The following PDGFC variants were observed in gnomAD, a reference collection of about 807,000 sequenced individuals.
PDGFC encodes the protein platelet-derived growth factor C.
In PDGFC, 12 loss-of-function variants were observed where a neutral mutation model predicts 35.5. The observed-to-expected ratio is 0.34, with a 90% CI of 0.22 to 0.55. PDGFC has a LOEUF of 0.55. Ranked by LOEUF, PDGFC falls within the 20% of genes least tolerant of loss-of-function variation. PDGFC has a pLI of 0.91. For synonymous variants in PDGFC, 159 were observed against 148.8 expected (o/e 1.07, Z -0.50); for missense variants, 322 against 412.4 (o/e 0.78, Z 1.90).
At chr4:156,826,495 C>T (rs1207719920) in intron 2 of PDGFC, among the ~76,000 whole-genome samples, 1 of 151,900 alleles carries the variant, frequency 6.6e-6, no homozygotes, top group African/African-American at 2.4e-5. Flanking sequence ...AGCCACCATG[C>T]CATTGTAATT....
chr4:156,836,897 A>C (rs1729076587), intron 2 of PDGFC, among the ~76,000 whole-genome samples: 1 of 152,316 alleles, frequency 6.6e-6, no homozygotes, highest in Non-Finnish European at 1.5e-5. Context: ...GTTAGGAATA[A>C]ATTTTAAGTC....
intron 2 of PDGFC, among the ~76,000 whole-genome samples, chr4:156,814,893 T>C (rs1273339105): frequency 2.6e-5 from 4 of 152,162 alleles, no homozygotes; most frequent in African/African-American, 4.8e-5. Context: ...AGGAGAAGGG[T>C]GATGAGCATA....
At chr4:156,802,984 G>A (rs939172291) in intron 3 of PDGFC, among the ~76,000 whole-genome samples, 16 of 152,120 alleles carry the variant, frequency 1.1e-4, no homozygotes, top group Admixed American at 6.6e-5. Context: ...GAAGTAAATT[G>A]AGACACAGGA....
chr4:156,970,388 T>C (rs1240619224), intron 1 of PDGFC, among the ~76,000 whole-genome samples: 1 of 152,238 alleles, frequency 6.6e-6, no homozygotes, highest in Non-Finnish European at 1.5e-5. Flanking sequence ...ATATATTTCC[T>C]GACCGACCCC....
At chr4:156,816,441 TTATC>T (rs1334381941) in intron 2 of PDGFC, among the ~76,000 whole-genome samples, 1 of 152,092 alleles carries the variant, frequency 6.6e-6, no homozygotes. Flanking sequence ...AGCAAATTGT[TTATC>T]TATGCTTTAA....
chr4:156,773,499 C>T (rs4691377), intron 3 of PDGFC, among the ~76,000 whole-genome samples: 22,364 of 152,022 alleles, frequency 0.15, 1,674 homozygotes, highest in South Asian at 0.23. Context: ...GGAGAACACA[C>T]TGACAAACTA....
At chr4:156,865,225 CACAT>C (rs1162358431) in intron 1 of PDGFC, among the ~76,000 whole-genome samples, 1 of 150,966 alleles carries the variant, frequency 6.6e-6, no homozygotes, top group African/African-American at 2.5e-5. Context: ...CAGATACAAA[CACAT>C]ACACAAAGTG....
At chr4:156,907,725 T>TG (rs1426587725) in intron 1 of PDGFC, among the ~76,000 whole-genome samples, 2 of 152,176 alleles carry the variant, frequency 1.3e-5, no homozygotes, top group African/African-American at 2.4e-5. Context: ...TGGCTGTGAC[T>TG]GGGGGTCCTT....
chr4:156,903,251 A>G (rs1730836861), intron 1 of PDGFC, among the ~76,000 whole-genome samples: 1 of 152,070 alleles, frequency 6.6e-6, no homozygotes, highest in Admixed American at 6.6e-5. Context: ...GATTATGAAA[A>G]TAATTTATAG....
Position 156,775,974 on chromosome 4 carries a change from G to A in PDGFC, c.496-3081C>T, listed in dbSNP as rs115104995. ...AATCCCTGGACAGAACAGGGGAAGT[G>A]GTGCTTCTATTTAAGGGCCTTCTCA... On this transcript the variant is annotated intron_variant, in intron 3 of 5. Transcript: ENST00000502773. 1.3e-3 allele frequency among the ~76,000 whole-genome samples: 202 copies of A among 152,118 alleles called. 1 individual carries two copies. The highest frequency in any genetic ancestry group is 4.6e-3 in the African/African-American group (191 of 41,450).
At chr4:156,790,153 G>C (rs1445681520) in intron 3 of PDGFC, among the ~76,000 whole-genome samples, 1 of 152,080 alleles carries the variant, frequency 6.6e-6, no homozygotes, top group East Asian at 1.9e-4. Context: ...GTATGTATCT[G>C]TAAGACAGAT....
chr4:156,877,556 C>T (rs985955709), intron 1 of PDGFC, among the ~76,000 whole-genome samples: 1 of 152,120 alleles, frequency 6.6e-6, no homozygotes, highest in South Asian at 2.1e-4. Context: ...TATATTAAAT[C>T]AAGTACCAGT....
At chr4:156,892,189 A>C (rs891128670) in intron 1 of PDGFC, among the ~76,000 whole-genome samples, 1 of 152,226 alleles carries the variant, frequency 6.6e-6, no homozygotes, top group Non-Finnish European at 1.5e-5. Context: ...AAACAAATAA[A>C]AAGTATAAAT....
At chr4:156,782,724 A>G (rs1414741475) in intron 3 of PDGFC, among the ~76,000 whole-genome samples, 1 of 152,218 alleles carries the variant, frequency 6.6e-6, no homozygotes, top group Non-Finnish European at 1.5e-5. Flanking sequence ...CAGGGGCAAC[A>G]GAGAACATAG....
chr4:156,786,899 C>G (rs916268470), intron 3 of PDGFC, among the ~76,000 whole-genome samples: 56 of 152,302 alleles, frequency 3.7e-4, no homozygotes, highest in African/African-American at 1.3e-3. Flanking sequence ...ATCACACTCA[C>G]TGCTGTGCTG....
chr4:156,780,632 C>A (rs1307077412), intron 3 of PDGFC, among the ~76,000 whole-genome samples: 1 of 152,214 alleles, frequency 6.6e-6, no homozygotes, highest in East Asian at 1.9e-4. Context: ...GAAGGCCTTA[C>A]TTTGGAGTAA....
intron 3 of PDGFC, among the ~76,000 whole-genome samples, chr4:156,810,061 A>T (rs1158880641): frequency 3.9e-5 from 6 of 151,944 alleles, no homozygotes; most frequent in Admixed American, 3.9e-4. Context: ...AGATACTGTA[A>T]AAGTATACTA....
At chr4:156,897,320 G>C (rs1313042645) in intron 1 of PDGFC, among the ~76,000 whole-genome samples, 4 of 147,976 alleles carry the variant, frequency 2.7e-5, no homozygotes, top group Non-Finnish European at 4.5e-5. Flanking sequence ...CAGACAGAGA[G>C]AGAGAATATG....
chr4:156,773,016 C>A (rs1262960943), intron 3 of PDGFC, 123 bp from the exon 4 acceptor site: 3 of 647,452 alleles, frequency 4.6e-6, no homozygotes, highest in South Asian at 1.9e-5. Flanking sequence ...TGTATTGAAT[C>A]CAATTAGAAA....
Sources: allele counts gnomAD v4.1 joint callset (sites outside exome capture counted in the v4.1 genomes callset), GRCh38; gene constraint gnomAD v4.1.1; transcripts MANE v1.5; gene names NCBI Gene and HGNC (gene_info 2026-07-23, HGNC 2026-07-21).